The following MYO1D variants were observed in gnomAD, a reference collection of about 807,000 sequenced individuals.
MYO1D encodes myosin ID, also known as unconventional myosin-Id.
A neutral mutation model predicts 122.0 loss-of-function variants in MYO1D; 83 were observed. The observed-to-expected ratio is 0.68, with a 90% CI of 0.57 to 0.82. The LOEUF (loss-of-function observed/expected upper bound fraction) is 0.82, where lower values mean the gene tolerates loss of function less well. Among genes scored for constraint, MYO1D ranks in the 40% least tolerant of loss-of-function variants. The pLI, the probability that MYO1D is intolerant of heterozygous loss-of-function variation, is 0.00. For missense variants in MYO1D, 1,157 were observed against 1,269.5 expected (o/e 0.91, Z 1.35); for synonymous variants, 464 against 446.9 (o/e 1.04, Z -0.48).
chr17:32,709,829 C>A (rs2089353121), intron 16 of MYO1D, among the ~76,000 whole-genome samples: 1 of 152,084 alleles, frequency 6.6e-6, no homozygotes, highest in Non-Finnish European at 1.5e-5. Context: ...AATATTATTT[C>A]TCTGTACTAA....
At chr17:32,604,000 A>G (rs2087595645) in intron 21 of MYO1D, among the ~76,000 whole-genome samples, 1 of 152,204 alleles carries the variant, frequency 6.6e-6, no homozygotes, top group Non-Finnish European at 1.5e-5. Context: ...TTAATGATAG[A>G]AAATATTTAA....
chr17:32,735,140 C>A (rs569645931), intron 14 of MYO1D, among the ~76,000 whole-genome samples: 4 of 150,304 alleles, frequency 2.7e-5, no homozygotes, highest in African/African-American at 9.8e-5. Context: ...AAAATGGTTT[C>A]CTTTGTCATC....
chr17:32,547,687 C>G (rs1209839514), intron 21 of MYO1D, among the ~76,000 whole-genome samples: 1 of 152,226 alleles, frequency 6.6e-6, no homozygotes, highest in Admixed American at 6.5e-5. Context: ...TGGGTCACTC[C>G]TATAATCCTA....
intron 1 of MYO1D, among the ~76,000 whole-genome samples, chr17:32,806,728 A>G (rs1174913199): frequency 6.6e-6 from 1 of 152,186 alleles, no homozygotes; most frequent in Non-Finnish European, 1.5e-5. Flanking sequence ...TCTTCCGAGT[A>G]AGGATTATGT....
intron 1 of MYO1D, among the ~76,000 whole-genome samples, chr17:32,802,211 T>A (rs1311615520): frequency 1.3e-5 from 2 of 152,200 alleles, no homozygotes; most frequent in African/African-American, 4.8e-5. Context: ...ACCTAATATG[T>A]AGATGCCTAC....
intron 21 of MYO1D, among the ~76,000 whole-genome samples, chr17:32,590,101 T>G (rs879444768): frequency 1.3e-5 from 2 of 152,242 alleles, no homozygotes; most frequent in Admixed American, 1.3e-4. Context: ...TTTTATATTT[T>G]TATACTTACT....
intron 21 of MYO1D, among the ~76,000 whole-genome samples, chr17:32,542,845 T>C (rs1910879975): frequency 1.3e-5 from 2 of 151,842 alleles, no homozygotes; most frequent in Non-Finnish European, 2.9e-5. Flanking sequence ...CAAGCAAGGG[T>C]GGGACACTTT....
chr17:32,812,286 A>G lies in MYO1D; in HGVS notation c.96-31502T>C, dbSNP rs184943500. On this transcript the variant is annotated intron_variant, in intron 1 of 21. Transcript: ENST00000318217. ...GTGGCTGAAGTCATCAGGTATGATT[A>G]TGACTCAAAATGGCAAACAATTATT... is the stretch of plus-strand genomic sequence containing the variant. Among the ~76,000 whole-genome samples the G allele has an allele frequency of 3.2e-4, 48 of 152,354 alleles. 1 individual carries two copies. The highest frequency in any genetic ancestry group is 6.8e-3 in the Middle Eastern group (2 of 294).
intron 21 of MYO1D, among the ~76,000 whole-genome samples, chr17:32,592,721 G>A (rs2087449259): frequency 1.3e-5 from 2 of 151,028 alleles, no homozygotes; most frequent in African/African-American, 4.9e-5. Flanking sequence ...ACAAATGTTC[G>A]ATATAACTTA....
At position 32,746,299 on chromosome 17, in the gene MYO1D, T is replaced by C. The variant is rs1567621776; in HGVS notation, c.1539-1014A>G. On this transcript the variant is annotated intron_variant, in intron 12 of 21. Coordinates refer to ENST00000318217, the MANE Select transcript of MYO1D (RefSeq NM_015194.3). Reference sequence around the variant, plus strand: ...TTTGATCTCAAGCTACTCTTCCAGATAGTTCTACTTCTCTGTGCTACAAAA... The same window carrying C: ...TTTGATCTCAAGCTACTCTTCCAGACAGTTCTACTTCTCTGTGCTACAAAA... Among the ~76,000 whole-genome samples, 6 of 152,230 alleles carry C rather than the reference T, an allele frequency of 3.9e-5. No homozygotes were observed. In the South Asian group the frequency reaches 6.2e-4, roughly 16 times the overall value.
intron 19 of MYO1D, among the ~76,000 whole-genome samples, chr17:32,653,520 CACTTG>C (rs1352667706): frequency 2.7e-5 from 4 of 147,100 alleles, no homozygotes; most frequent in African/African-American, 5.0e-5. Context: ...ACAGGAGAAT[CACTTG>C]AACCTGGGAA....
chr17:32,862,451 A>G (rs907139163), intron 1 of MYO1D, among the ~76,000 whole-genome samples: 4 of 152,240 alleles, frequency 2.6e-5, no homozygotes, highest in Admixed American at 2.6e-4. Context: ...ATGCTATGTG[A>G]GAAAACAGTT....
At chr17:32,544,127 A>C in intron 21 of MYO1D, among the ~76,000 whole-genome samples, 1 of 138,764 alleles carries the variant, frequency 7.2e-6, no homozygotes, top group African/African-American at 2.8e-5. Flanking sequence ...ACAGGGTCTC[A>C]CTCTGTTGCC....
intron 20 of MYO1D, among the ~76,000 whole-genome samples, chr17:32,628,611 A>G (rs321159): frequency 0.99 from 150,929 of 152,340 alleles, 74,771 homozygotes; most frequent in Middle Eastern, 1. Flanking sequence ...ACAAAGAGTG[A>G]AGAGATGGTT....
chr17:32,677,580 A>AATATATATATATATAT (rs10523328), intron 16 of MYO1D, among the ~76,000 whole-genome samples: 2 of 135,896 alleles, frequency 1.5e-5, no homozygotes, highest in African/African-American at 2.8e-5. Flanking sequence ...TAGATAGATA[A>AATATATATATATATAT]ATATATATAT....
intron 20 of MYO1D, among the ~76,000 whole-genome samples, chr17:32,629,754 C>A (rs1040941732): frequency 6.7e-6 from 1 of 149,206 alleles, no homozygotes; most frequent in Non-Finnish European, 1.5e-5. Context: ...AAAAAGGTAT[C>A]AATCTCACTG....
intron 1 of MYO1D, among the ~76,000 whole-genome samples, chr17:32,806,997 G>C (rs1425307239): frequency 1.3e-5 from 2 of 152,092 alleles, no homozygotes; most frequent in African/African-American, 4.8e-5. Flanking sequence ...ATTCTCTTTG[G>C]TCTATACATA....
At chr17:32,523,790 CAAAAAAAAA>C (rs34905929) in intron 21 of MYO1D, among the ~76,000 whole-genome samples, 1 of 91,670 alleles carries the variant, frequency 1.1e-5, no homozygotes, top group Non-Finnish European at 2.1e-5. Flanking sequence ...GACCCTGTCT[CAAAAAAAAA>C]AAAAAAAAAA....
intron 1 of MYO1D, among the ~76,000 whole-genome samples, chr17:32,858,388 T>C (rs762597751): frequency 1.3e-5 from 2 of 152,248 alleles, no homozygotes; most frequent in Admixed American, 1.3e-4. Flanking sequence ...TTCAGCATCA[T>C]GCTTCACCTT....
Sources: allele counts gnomAD v4.1 joint callset (sites outside exome capture counted in the v4.1 genomes callset), GRCh38; gene constraint gnomAD v4.1.1; transcripts MANE v1.5; gene names NCBI Gene and HGNC (gene_info 2026-07-23, HGNC 2026-07-21).